Variants in PARP14 observed in about 807,000 individuals in gnomAD.
PARP14 encodes the protein poly(ADP-ribose) polymerase family member 14.
A neutral mutation model predicts 154.2 loss-of-function variants in PARP14; 59 were observed. That is an observed-to-expected ratio of 0.38 (90% CI 0.31 to 0.48). The LOEUF (loss-of-function observed/expected upper bound fraction) is 0.48. Ranked by LOEUF, PARP14 falls within the 20% of genes least tolerant of loss-of-function variation. PARP14 has a pLI of 0.98. For missense variants in PARP14, 1,734 were observed against 2,131.6 expected (o/e 0.81, Z 3.67); for synonymous variants, 720 against 780.5 (o/e 0.92, Z 1.29).
intron 15 of PARP14, among the ~76,000 whole-genome samples, chr3:122,725,420 C>T (rs567671027): frequency 2.0e-4 from 30 of 151,548 alleles, no homozygotes; most frequent in East Asian, 7.8e-4. Flanking sequence ...ACAGGGCGGC[C>T]GGGCAGAGGC....
chr3:122,720,409 C>T (rs767380437), intron 15 of PARP14, 21 bp downstream of exon 15: 70 of 1,608,694 alleles, frequency 4.4e-5, no homozygotes, highest in Non-Finnish European at 5.9e-5. Flanking sequence ...TGCTAGAATG[C>T]AGTTTCTGGA....
Position 122,704,692 on chromosome 3 carries a change from A to G in PARP14, c.3484A>G (p.Lys1162Glu), listed in dbSNP as rs1939095182. The G allele has an allele frequency of 1.2e-6, 2 of 1,607,326 alleles. No homozygotes were observed. The highest frequency in any genetic ancestry group is 2.2e-5 in the East Asian group (1 of 44,728). The change falls in exon 8 of 17, where the codon AAA becomes GAA. Residue 1162 changes from lysine to glutamate, a missense_variant. Coordinates refer to ENST00000474629, the MANE Select transcript of PARP14 (RefSeq NM_017554.3). ...VFKFSSKNQL[K>E]TLQEVHFLLH... ...CAAATTTAGTAGCAAGAATCAGCTG[A>G]AAACTTTACAAGAGGTTCACTTTCT...
At chr3:122,720,463 T>C in intron 15 of PARP14, 75 bp downstream of exon 15, 1 of 1,358,272 alleles carries the variant, frequency 7.4e-7, no homozygotes, top group Non-Finnish European at 1.0e-6. Context: ...AAATCCATTT[T>C]CATTCACTTC....
chr3:122,707,627 A>C (rs6793057), intron 8 of PARP14, among the ~76,000 whole-genome samples: 26,840 of 151,866 alleles, frequency 0.18, 3,392 homozygotes, highest in East Asian at 0.53. Context: ...AAACAAACAA[A>C]AAAACACAAA....
chr3:122,690,153 G>A (rs933259446), intron 3 of PARP14, among the ~76,000 whole-genome samples: 1 of 152,110 alleles, frequency 6.6e-6, no homozygotes, highest in African/African-American at 2.4e-5. Context: ...CTTTCTTGTG[G>A]TGAAGCGTCT....
rs777464928 is a variant in PARP14, at chr3:122,703,749, T to C, written c.3089T>C (p.Val1030Ala). Residue 1030 changes from valine (V) to alanine (A), a missense_variant, in exon 7 of 17, where the codon GTT becomes GCT. Val to Ala is a moderately conservative substitution (Grantham distance 64). This residue lies in a region of PARP14 where 1,646 missense variants were observed against 1,976.0 expected (regional missense o/e 0.83). Coordinates refer to ENST00000474629, the MANE Select transcript of PARP14 (RefSeq NM_017554.3). ...TTTGGTTTTGTCTTTAAGACCGATG[T>C]TGTTGTCAACTCCGTTCCCTTGGAT... is the stretch of plus-strand genomic sequence containing the variant. ...KEGVQNAKTD[V>A]VVNSVPLDLV... The C allele has an allele frequency of 6.3e-7, 1 of 1,587,518 alleles. No individual in the cohort carries two copies. Among genetic ancestry groups the C allele is most frequent in the Non-Finnish European group, 8.6e-7 (1 of 1,166,692 alleles).
intron 15 of PARP14, chr3:122,722,246 A>G (rs1433385719): frequency 6.6e-6 from 1 of 152,208 alleles, no homozygotes; most frequent in Non-Finnish European, 1.5e-5. Flanking sequence ...TGGTTGAACA[A>G]AACCGATGCC....
rs1938964619 is a variant in PARP14 at position 122,701,271 on chromosome 3, G to A, written c.2717G>A (p.Cys906Tyr). ...AGGAGAGCTGTGCAACTCAGTCTCTGTCTAGCCGAAAAATACAAGTACCGA... is the reference window on the plus strand; with the variant it reads ...AGGAGAGCTGTGCAACTCAGTCTCTATCTAGCCGAAAAATACAAGTACCGA... ...LLRRAVQLSLCLAEKYKYRSI... is the reference protein window; with the variant it reads ...LLRRAVQLSLYLAEKYKYRSI... The change falls in exon 6 of 17, where the codon TGT becomes TAT. Residue 906 changes from cysteine to tyrosine, a missense_variant. By Grantham distance (194) the Cys-to-Tyr change is radical. Transcript: ENST00000474629. The surrounding 1 kb of genome is among the most constrained non-coding windows in gnomAD (Gnocchi z 4.0). 6.2e-7 allele frequency: 1 copy of A among 1,613,820 alleles called. No homozygotes were observed. Among genetic ancestry groups the A allele is most frequent in the South Asian group, 1.1e-5 (1 of 91,070 alleles).
rs902608434 is a variant in PARP14 at position 122,701,029 on chromosome 3, G to C, written c.2475G>C (p.Glu825Asp). 1.9e-6 allele frequency: 3 copies of C among 1,613,856 alleles called. No homozygotes were observed. The highest frequency in any genetic ancestry group is 2.5e-6 in the Non-Finnish European group (3 of 1,179,876). The change falls in exon 6 of 17, where the codon GAG becomes GAC. Residue 825 changes from glutamate to aspartate, a missense_variant. By Grantham distance (45) the Glu-to-Asp change is conservative. Coordinates refer to ENST00000474629, the MANE Select transcript of PARP14 (RefSeq NM_017554.3). This position sits in a 1 kb window ranked among gnomAD's most constrained non-coding sequence, Gnocchi z 4.0. ...ATGTGGTGGTGAATGCATCTAATGA[G>C]GACCTTAAGCATTATGGTGGCCTGG... is the stretch of plus-strand genomic sequence containing the variant. Reference protein sequence around the residue: ...PVDVVVNASNEDLKHYGGLAA... With the variant: ...PVDVVVNASNDDLKHYGGLAA...
In PARP14 at chr3:122,713,519, G is replaced by C. The variant is rs1939388316; in HGVS notation, c.3715G>C (p.Glu1239Gln). 4 of 1,613,780 alleles carry C rather than the reference G, an allele frequency of 2.5e-6. No individual in the cohort carries two copies. The highest frequency in any genetic ancestry group is 3.4e-6 in the Non-Finnish European group (4 of 1,179,704). ...GGTGGCTTCTGGAGATATCACGAAA[G>C]AAGAGGCAGATGTGATTGTAAATTC... ...FQVASGDITKEEADVIVNSTS... is the reference protein window; with the variant it reads ...FQVASGDITKQEADVIVNSTS... The change falls in exon 10 of 17, where the codon GAA (glutamate) becomes CAA (glutamine). Residue 1239 changes from glutamate to glutamine, a missense_variant. Glu to Gln is a conservative substitution (Grantham distance 29). This residue lies in a region of PARP14 where 1,646 missense variants were observed against 1,976.0 expected (regional missense o/e 0.83). Transcript: ENST00000474629.
chr3:122,721,790 C>G (rs1427439912), intron 15 of PARP14: 1 of 152,194 alleles, frequency 6.6e-6, no homozygotes, highest in African/African-American at 2.4e-5. Flanking sequence ...TTCTTACTCT[C>G]TATTTGAACT....
chr3:122,713,121 T>C (rs947292692), intron 9 of PARP14, among the ~76,000 whole-genome samples: 5 of 152,226 alleles, frequency 3.3e-5, no homozygotes, highest in African/African-American at 1.2e-4. Context: ...TTCAGAGCTC[T>C]TGGGTGGTGG....
At chr3:122,685,543 T>C (rs1319326964) in intron 2 of PARP14, among the ~76,000 whole-genome samples, 1 of 149,486 alleles carries the variant, frequency 6.7e-6, no homozygotes, top group East Asian at 2.0e-4. Flanking sequence ...GGAGTCTCGC[T>C]CTGTCAACCA....
intron 16 of PARP14, 63 bp from the exon 17 acceptor site, chr3:122,728,245 T>G: frequency 4.3e-6 from 6 of 1,381,670 alleles, no homozygotes; most frequent in Admixed American, 1.8e-5. Flanking sequence ...TTTAACAGAT[T>G]GGGCCAACAT....
chr3:122,694,045 C>T (rs2107640207), intron 4 of PARP14, among the ~76,000 whole-genome samples: 1 of 152,246 alleles, frequency 6.6e-6, no homozygotes, highest in Non-Finnish European at 1.5e-5. Flanking sequence ...GGTCTAGGTG[C>T]TGTGGGCACA....
At position 122,699,585 on chromosome 3, in the gene PARP14, T is replaced by C. The variant is rs1182137170; in HGVS notation, c.1031T>C (p.Ile344Thr). The C allele has an allele frequency of 6.2e-7, 1 of 1,613,962 alleles. No homozygotes were observed. Among genetic ancestry groups the C allele is most frequent in the East Asian group, 2.2e-5 (1 of 44,878 alleles). The change falls in exon 6 of 17, where the codon ATA becomes ACA. Residue 344 changes from isoleucine to threonine, a missense_variant. Ile to Thr is a moderately conservative substitution (Grantham distance 89). This residue lies in a region of PARP14 where 1,646 missense variants were observed against 1,976.0 expected (regional missense o/e 0.83). Coordinates refer to ENST00000474629, the MANE Select transcript of PARP14 (RefSeq NM_017554.3). ...LQKKNHLIEE[I>T]NDEMRRCHCE... ...AAAAAGAATCACCTCATTGAGGAGA[T>C]AAACGATGAAATGAGGCGTTGTCAC...
intron 9 of PARP14, among the ~76,000 whole-genome samples, chr3:122,709,246 C>T (rs1400759690): frequency 6.6e-6 from 1 of 151,948 alleles, no homozygotes; most frequent in African/African-American, 2.4e-5. Context: ...CATTATATCA[C>T]TCTTATGATT....
intron 6 of PARP14, among the ~76,000 whole-genome samples, chr3:122,703,261 C>G (rs1158028113): frequency 1.3e-5 from 2 of 152,090 alleles, no homozygotes; most frequent in Non-Finnish European, 2.9e-5. Flanking sequence ...GTCAGGGAGT[C>G]CAGATGTCTT....
chr3:122,686,891 G>T, intron 2 of PARP14, 189 bp from the exon 3 acceptor site: 1 of 521,362 alleles, frequency 1.9e-6, no homozygotes, highest in Non-Finnish European at 3.4e-6. Context: ...ATCTTCATTG[G>T]TGATTTTTGT....
Sources: allele counts gnomAD v4.1 joint callset (sites outside exome capture counted in the v4.1 genomes callset), GRCh38; gene constraint gnomAD v4.1.1; regional missense constraint gnomAD v4.1.1; non-coding constraint Gnocchi (gnomAD v3.1); transcripts MANE v1.5; gene names NCBI Gene and HGNC (gene_info 2026-07-23, HGNC 2026-07-21).